Variants in DISC1 observed in about 807,000 individuals in gnomAD.
DISC1 encodes the protein DISC1 scaffold protein, also known as disrupted in schizophrenia 1 protein.
A neutral mutation model predicts 84.5 loss-of-function variants in DISC1; 57 were observed. The observed-to-expected ratio is 0.67, with a 90% CI of 0.55 to 0.84. The LOEUF is 0.84. Among genes scored for constraint, DISC1 ranks in the 40% least tolerant of loss-of-function variants. The pLI is 0.00. For synonymous variants in DISC1, 411 were observed against 415.2 expected, an observed-to-expected ratio of 0.99 and a Z score of 0.12; for missense variants, 1,000 against 1,057.8, an observed-to-expected ratio of 0.95 and a Z score of 0.76.
At chr1:231,979,901 C>A (rs1663355528) in intron 10 of DISC1, among the ~76,000 whole-genome samples, 1 of 151,992 alleles carries the variant, frequency 6.6e-6, no homozygotes, top group South Asian at 2.1e-4. Context: ...AATTAATTCC[C>A]CTTAGTGTAA....
intron 9 of DISC1, among the ~76,000 whole-genome samples, chr1:231,821,714 C>CTTT (rs200487656): frequency 0.068 from 9,360 of 137,110 alleles, 583 homozygotes; most frequent in East Asian, 0.34. Context: ...GCTACATCTG[C>CTTT]TTTTTTTTTT....
At chr1:231,667,224 A>T (rs1425139701) in intron 1 of DISC1, among the ~76,000 whole-genome samples, 1 of 152,218 alleles carries the variant, frequency 6.6e-6, no homozygotes, top group African/African-American at 2.4e-5. Flanking sequence ...GTTTGGATAA[A>T]TCTGGGGCAG....
chr1:231,649,666 C>T (rs562768680), intron 1 of DISC1, among the ~76,000 whole-genome samples: 1 of 152,272 alleles, frequency 6.6e-6, no homozygotes, highest in Non-Finnish European at 1.5e-5. Flanking sequence ...TGTTAAAAGT[C>T]TCCCATTATT....
At chr1:231,836,376 C>T (rs114224397) in intron 9 of DISC1, among the ~76,000 whole-genome samples, 1 of 152,090 alleles carries the variant, frequency 6.6e-6, no homozygotes, top group African/African-American at 2.4e-5. Context: ...GAAAGGTCGT[C>T]CCTGTCCTGG....
intron 3 of DISC1, among the ~76,000 whole-genome samples, chr1:231,713,764 G>GAT (rs1184565969): frequency 2.8e-4 from 38 of 135,678 alleles, no homozygotes; most frequent in South Asian, 1.1e-3. Context: ...ATATATAGGA[G>GAT]ATATATATAT....
intron 1 of DISC1, among the ~76,000 whole-genome samples, chr1:231,672,007 C>T (rs2062673489): frequency 6.6e-6 from 1 of 152,188 alleles, no homozygotes; most frequent in Non-Finnish European, 1.5e-5. Flanking sequence ...ACAGAGGTGT[C>T]ATTAACTGTC....
chr1:231,935,310 CA>C (rs954206834), intron 9 of DISC1, among the ~76,000 whole-genome samples: 1 of 152,044 alleles, frequency 6.6e-6, no homozygotes, highest in Non-Finnish European at 1.5e-5. Context: ...AGTAAATTCA[CA>C]AAAGATTGGG....
chr1:232,014,498 G>A (rs1205597000), intron 11 of DISC1, among the ~76,000 whole-genome samples: 2 of 152,218 alleles, frequency 1.3e-5, no homozygotes, highest in South Asian at 2.1e-4. Flanking sequence ...CAAGAGCAGA[G>A]CAGTAGAAGC....
chr1:231,779,036 T>C (rs2077174995), intron 6 of DISC1, among the ~76,000 whole-genome samples: 1 of 151,670 alleles, frequency 6.6e-6, no homozygotes, highest in South Asian at 2.1e-4. Flanking sequence ...GGCAATAAGA[T>C]ACCAAATTAT....
chr1:231,832,478 G>C (rs1468211249), intron 9 of DISC1, among the ~76,000 whole-genome samples: 29 of 152,142 alleles, frequency 1.9e-4, no homozygotes, highest in Non-Finnish European at 4.0e-4. Flanking sequence ...TCAGCAGGGA[G>C]AGCATGTGTG....
chr1:231,669,593 C>T (rs533483835), intron 1 of DISC1, among the ~76,000 whole-genome samples: 12 of 152,258 alleles, frequency 7.9e-5, no homozygotes, highest in African/African-American at 2.6e-4. Flanking sequence ...CAAAAGAAGA[C>T]ATACATGCAG....
intron 2 of DISC1, among the ~76,000 whole-genome samples, chr1:231,696,915 G>A (rs576264750): frequency 6.6e-6 from 1 of 152,346 alleles, no homozygotes; most frequent in African/African-American, 2.4e-5. Context: ...CTGTCATTAA[G>A]TAACGCTAGG....
intron 11 of DISC1, among the ~76,000 whole-genome samples, chr1:232,024,749 C>T (rs563190868): frequency 9.3e-5 from 14 of 150,836 alleles, no homozygotes; most frequent in African/African-American, 2.2e-4. Flanking sequence ...CCCACCACCA[C>T]GCCCAGCTAA....
intron 9 of DISC1, among the ~76,000 whole-genome samples, chr1:231,844,926 CAAAAAA>C (rs1175955587): frequency 1.5e-5 from 1 of 68,804 alleles, no homozygotes; most frequent in Non-Finnish European, 3.0e-5. Flanking sequence ...GACTCTGACT[CAAAAAA>C]AAAAAAAAAA....
chr1:231,972,595 A>G (rs1662154752), intron 10 of DISC1, among the ~76,000 whole-genome samples: 1 of 152,224 alleles, frequency 6.6e-6, no homozygotes, highest in Non-Finnish European at 1.5e-5. Flanking sequence ...CAGTGGGACA[A>G]TATCCAGAGA....
intron 10 of DISC1, among the ~76,000 whole-genome samples, chr1:231,988,311 G>A (rs534550201): frequency 1.3e-5 from 2 of 152,292 alleles, no homozygotes; most frequent in Admixed American, 1.3e-4. Context: ...CTACAAATCA[G>A]CACCTGCCTT....
Position 232,022,607 on chromosome 1 carries a change from A to G in DISC1, c.2308-3828A>G, listed in dbSNP as rs137910671. 4.5e-3 allele frequency among the ~76,000 whole-genome samples: 684 copies of G among 152,242 alleles called. 4 individuals are homozygous for G. The highest frequency in any genetic ancestry group is 0.02 in the Middle Eastern group (6 of 294). On this transcript the variant is annotated intron_variant, in intron 11 of 12. Coordinates refer to ENST00000439617, the MANE Select transcript of DISC1 (RefSeq NM_018662.3). ...AGGCGTGAGCCACCGCACCCAGCCAATACCCATGGTTCTGATCCCACCCTG... is the reference window on the plus strand; with the variant it reads ...AGGCGTGAGCCACCGCACCCAGCCAGTACCCATGGTTCTGATCCCACCCTG...
At chr1:231,957,273 T>C (rs1468878662) in intron 9 of DISC1, among the ~76,000 whole-genome samples, 1 of 152,212 alleles carries the variant, frequency 6.6e-6, no homozygotes, top group Non-Finnish European at 1.5e-5. Flanking sequence ...AAGATGCCTG[T>C]TGATGCCCTC....
At chr1:231,773,235 T>C (rs886948200) in intron 6 of DISC1, among the ~76,000 whole-genome samples, 1 of 152,216 alleles carries the variant, frequency 6.6e-6, no homozygotes. Context: ...CACAGTGTGG[T>C]TGGCTGATAG....
Sources: gnomAD v4.1 joint callset for allele counts (sites outside exome capture counted in the v4.1 genomes callset) on GRCh38, gnomAD v4.1.1 for gene constraint, MANE v1.5 for transcripts, NCBI Gene and HGNC (gene_info 2026-07-23, HGNC 2026-07-21) for gene names.